The following BTBD9 variants were observed in gnomAD, a reference collection of about 807,000 sequenced individuals.
BTBD9 encodes BTB domain containing 9.
Under a neutral mutation model 64.3 loss-of-function variants are expected in BTBD9, and 49 were observed. That is an observed-to-expected ratio of 0.76 (90% CI 0.61 to 0.97). The LOEUF (loss-of-function observed/expected upper bound fraction) is 0.97, where lower values mean the gene tolerates loss of function less well. Ranked by LOEUF, BTBD9 falls within the 50% of genes least tolerant of loss-of-function variation. The pLI is 0.00. For synonymous variants in BTBD9, 260 were observed against 274.7 expected (o/e 0.95, Z 0.53); for missense variants, 598 against 762.1 (o/e 0.78, Z 2.53).
At chr6:38,357,752 C>A (rs1179008482) in intron 6 of BTBD9, among the ~76,000 whole-genome samples, 1 of 152,136 alleles carries the variant, frequency 6.6e-6, no homozygotes, top group Non-Finnish European at 1.5e-5. Context: ...CATTTCCTTT[C>A]CCATCTTCAG....
At chr6:38,194,370 T>C (rs1350455364) in intron 9 of BTBD9, among the ~76,000 whole-genome samples, 1 of 152,216 alleles carries the variant, frequency 6.6e-6, no homozygotes, top group Non-Finnish European at 1.5e-5. Flanking sequence ...CACTGGCTGC[T>C]TCTCAGGCCA....
intron 7 of BTBD9, among the ~76,000 whole-genome samples, chr6:38,296,066 AC>A (rs1203284584): frequency 1.3e-5 from 2 of 152,194 alleles, no homozygotes; most frequent in African/African-American, 2.4e-5. Context: ...AGAAACAAAA[AC>A]AAAAAAAGAT....
At chr6:38,416,337 C>CT (rs35793205) in intron 6 of BTBD9, among the ~76,000 whole-genome samples, 13,869 of 138,514 alleles carry the variant, frequency 0.1, 743 homozygotes, top group African/African-American at 0.12. Flanking sequence ...CCCCTCTGTA[C>CT]TTTTTTTTTT....
In BTBD9 at chr6:38,288,477, C is replaced by G; in HGVS notation, c.1265-16G>C. On this transcript the variant is annotated splice_polypyrimidine_tract_variant and intron_variant, in intron 7 of 10. Transcript: ENST00000481247. ...TCCATGGGAACTGTGAATCCAAAAA[C>G]AAGATTTGGCATCAGGATAAGAGAA... 6.2e-7 allele frequency: 1 copy of G among 1,612,438 alleles called. No homozygotes were observed. The highest frequency in any genetic ancestry group is 1.1e-5 in the South Asian group (1 of 90,996).
At chr6:38,395,277 A>AT (rs887911548) in intron 6 of BTBD9, among the ~76,000 whole-genome samples, 3 of 152,002 alleles carry the variant, frequency 2.0e-5, no homozygotes, top group African/African-American at 7.3e-5. Flanking sequence ...CAAAAAAAAA[A>AT]TTTTTTTAAT....
intron 9 of BTBD9, among the ~76,000 whole-genome samples, chr6:38,229,813 T>C (rs1188742185): frequency 6.6e-6 from 1 of 152,244 alleles, no homozygotes; most frequent in African/African-American, 2.4e-5. Flanking sequence ...TGGTCTCACA[T>C]TAGGGCCTGG....
intron 9 of BTBD9, among the ~76,000 whole-genome samples, chr6:38,248,823 T>C (rs943493824): frequency 6.6e-6 from 1 of 152,210 alleles, no homozygotes; most frequent in Non-Finnish European, 1.5e-5. Flanking sequence ...CATTAGTAAA[T>C]GAAAAATCTT....
At chr6:38,455,112 T>C (rs1253795069) in intron 6 of BTBD9, among the ~76,000 whole-genome samples, 2 of 152,188 alleles carry the variant, frequency 1.3e-5, no homozygotes, top group African/African-American at 2.4e-5. Flanking sequence ...CATGATCTTT[T>C]TGCTTTCATT....
chr6:38,353,798 G>A (rs1448296925), intron 6 of BTBD9, among the ~76,000 whole-genome samples: 2 of 152,118 alleles, frequency 1.3e-5, no homozygotes, highest in East Asian at 3.8e-4. Context: ...TTGTGAACTA[G>A]AGAAAAAGCA....
At chr6:38,535,698 A>C (rs1459585724) in intron 6 of BTBD9, among the ~76,000 whole-genome samples, 1 of 152,140 alleles carries the variant, frequency 6.6e-6, no homozygotes, top group Admixed American at 6.5e-5. Context: ...ATCCAGAACA[A>C]ATCCACACAC....
intron 8 of BTBD9, among the ~76,000 whole-genome samples, chr6:38,258,184 C>G (rs1041471409): frequency 6.6e-6 from 1 of 151,898 alleles, no homozygotes; most frequent in Non-Finnish European, 1.5e-5. Flanking sequence ...TGGGGTATCA[C>G]CAAGTTGGCC....
intron 6 of BTBD9, among the ~76,000 whole-genome samples, chr6:38,553,077 T>A (rs1390561389): frequency 6.6e-6 from 1 of 152,238 alleles, no homozygotes; most frequent in Non-Finnish European, 1.5e-5. Context: ...TAACACAATG[T>A]AAATGCTATG....
chr6:38,573,816 A>G (rs1293555086), intron 6 of BTBD9, among the ~76,000 whole-genome samples: 1 of 152,158 alleles, frequency 6.6e-6, no homozygotes, highest in Non-Finnish European at 1.5e-5. Context: ...CCCCCAGAGT[A>G]CTCAATATCC....
chr6:38,589,193 T>C (rs1172768443), intron 4 of BTBD9, among the ~76,000 whole-genome samples: 2 of 152,206 alleles, frequency 1.3e-5, no homozygotes, highest in Non-Finnish European at 2.9e-5. Context: ...GTATGTGTCA[T>C]TCCAGAACTG....
intron 6 of BTBD9, among the ~76,000 whole-genome samples, chr6:38,480,041 C>T (rs1771065169): frequency 6.6e-6 from 1 of 152,148 alleles, no homozygotes; most frequent in Non-Finnish European, 1.5e-5. Context: ...GCACTAAAAT[C>T]TTTAAATAAA....
chr6:38,621,214 G>C (rs1468998756), intron 1 of BTBD9, among the ~76,000 whole-genome samples: 2 of 152,210 alleles, frequency 1.3e-5, no homozygotes, highest in Non-Finnish European at 2.9e-5. Flanking sequence ...AGGTGCCAAA[G>C]GAAATTTATG....
intron 6 of BTBD9, among the ~76,000 whole-genome samples, chr6:38,345,343 C>T (rs1226516393): frequency 1.3e-5 from 2 of 152,104 alleles, no homozygotes; most frequent in Non-Finnish European, 2.9e-5. Flanking sequence ...TTTGATTTAC[C>T]CAGAAAACCA....
chr6:38,347,667 C>G (rs976952403), intron 6 of BTBD9, among the ~76,000 whole-genome samples: 1 of 152,122 alleles, frequency 6.6e-6, no homozygotes, highest in South Asian at 2.1e-4. Flanking sequence ...CAATTAATGG[C>G]CCAACATCAA....
intron 6 of BTBD9, among the ~76,000 whole-genome samples, chr6:38,470,349 A>C (rs865832658): frequency 7.2e-5 from 11 of 152,216 alleles, no homozygotes; most frequent in African/African-American, 2.4e-4. Context: ...GGCCAAACTT[A>C]GATGGGAAGA....
Sources: allele counts gnomAD v4.1 joint callset (sites outside exome capture counted in the v4.1 genomes callset), GRCh38; gene constraint gnomAD v4.1.1; transcripts MANE v1.5; gene names NCBI Gene and HGNC (gene_info 2026-07-23, HGNC 2026-07-21).